MGMT: variants seen among roughly 807,000 people sequenced by gnomAD.
The protein encoded by MGMT is methylated-DNA--protein-cysteine methyltransferase.
Under a neutral mutation model 15.9 loss-of-function variants are expected in MGMT, and 14 were observed. The observed-to-expected ratio is 0.88, with a 90% CI of 0.58 to 1.37. The LOEUF (loss-of-function observed/expected upper bound fraction) is 1.37, where lower values mean the gene tolerates loss of function less well. MGMT is among the 40% of genes most tolerant of loss of function. MGMT has a pLI of 0.00. For missense variants in MGMT, 282 were observed against 268.1 expected (o/e 1.05, Z -0.36); for synonymous variants, 130 against 118.2 (o/e 1.10, Z -0.65).
At chr10:129,729,114 C>T (rs1256393148) in intron 3 of MGMT, among the ~76,000 whole-genome samples, 2 of 152,018 alleles carry the variant, frequency 1.3e-5, no homozygotes, top group Non-Finnish European at 2.9e-5. Flanking sequence ...GCCAGGGACC[C>T]CAAGGAGTTG....
intron 3 of MGMT, among the ~76,000 whole-genome samples, chr10:129,753,192 C>T (rs1318385549): frequency 6.6e-6 from 1 of 152,082 alleles, no homozygotes; most frequent in Admixed American, 6.5e-5. Flanking sequence ...ATGAGAATTC[C>T]ACATTCAAAT....
intron 2 of MGMT, among the ~76,000 whole-genome samples, chr10:129,653,774 A>G (rs924394366): frequency 1.3e-5 from 2 of 152,220 alleles, no homozygotes; most frequent in African/African-American, 2.4e-5. Context: ...TGGGAAGGCT[A>G]TTTCTGCATC....
At chr10:129,570,548 T>C (rs774145789) in intron 2 of MGMT, among the ~76,000 whole-genome samples, 2 of 152,248 alleles carry the variant, frequency 1.3e-5, no homozygotes, top group Non-Finnish European at 2.9e-5. Context: ...ACTGGTGAAG[T>C]TGATGAAGTG....
At chr10:129,638,617 G>A (rs974947404) in intron 2 of MGMT, among the ~76,000 whole-genome samples, 1 of 152,040 alleles carries the variant, frequency 6.6e-6, no homozygotes, top group Non-Finnish European at 1.5e-5. Context: ...GAGAATGGAG[G>A]CATGTTTTCA....
At chr10:129,540,211 A>G (rs1053313923) in intron 2 of MGMT, among the ~76,000 whole-genome samples, 2 of 152,230 alleles carry the variant, frequency 1.3e-5, no homozygotes, top group African/African-American at 4.8e-5. Flanking sequence ...TGTGTTTAAC[A>G]ACTGACTTGT....
chr10:129,526,406 C>T (rs1845870957), intron 1 of MGMT, among the ~76,000 whole-genome samples: 1 of 152,068 alleles, frequency 6.6e-6, no homozygotes, highest in South Asian at 2.1e-4. Context: ...GGTCCTCTTC[C>T]TCCCCCAGGT....
chr10:129,755,864 G>A (rs1040150780), intron 3 of MGMT, among the ~76,000 whole-genome samples: 12 of 152,204 alleles, frequency 7.9e-5, no homozygotes, highest in Admixed American at 2.0e-4. Flanking sequence ...TGAGCACAGC[G>A]GTGGCAGAGC....
chr10:129,634,423 T>C (rs1847243421), intron 2 of MGMT, among the ~76,000 whole-genome samples: 1 of 152,208 alleles, frequency 6.6e-6, no homozygotes, highest in South Asian at 2.1e-4. Flanking sequence ...TCTTCAAATA[T>C]ATTTTTTTCC....
In MGMT at chr10:129,687,107, G is replaced by T. The variant is rs866310773; in HGVS notation, c.126-20788G>T. ...CAAATAGTAGGTTCTCAGCAAGTGT[G>T]CTGAACCAAGGGGTAAGAACAACGT... On this transcript the variant is annotated intron_variant, in intron 2 of 4. Transcript: ENST00000651593. Among the ~76,000 whole-genome samples the T allele has an allele frequency of 8.5e-5, 13 of 152,236 alleles. 1 individual carries two copies. Among genetic ancestry groups the T allele is most frequent in the East Asian group, 5.8e-4 (3 of 5,180 alleles).
chr10:129,653,672 T>C (rs1472557099), intron 2 of MGMT, among the ~76,000 whole-genome samples: 1 of 152,168 alleles, frequency 6.6e-6, no homozygotes, highest in Non-Finnish European at 1.5e-5. Flanking sequence ...CAAGATTACA[T>C]CATGTGATGG....
At chr10:129,753,229 G>A (rs1848769029) in intron 3 of MGMT, among the ~76,000 whole-genome samples, 1 of 152,110 alleles carries the variant, frequency 6.6e-6, no homozygotes, top group African/African-American at 2.4e-5. Context: ...ATAATGCATT[G>A]TTTGTTTCTA....
At chr10:129,529,851 T>A (rs1316455510) in intron 1 of MGMT, among the ~76,000 whole-genome samples, 1 of 152,156 alleles carries the variant, frequency 6.6e-6, no homozygotes, top group Non-Finnish European at 1.5e-5. Context: ...TATTCATAAT[T>A]TGGGGTACTC....
At chr10:129,527,500 CG>C (rs1845883954) in intron 1 of MGMT, among the ~76,000 whole-genome samples, 1 of 151,944 alleles carries the variant, frequency 6.6e-6, no homozygotes, top group Admixed American at 6.6e-5. Context: ...TCAGGGAAGG[CG>C]GGCCGGGAAT....
rs1243566378 is a variant in MGMT at position 129,769,739 on chromosome 10, A to C, written c.*2742A>C. Among the ~76,000 whole-genome samples, 3 of 152,232 alleles carry C rather than the reference A, an allele frequency of 2.0e-5. No individual in the cohort carries two copies. Among genetic ancestry groups the C allele is most frequent in the Non-Finnish European group, 4.4e-5 (3 of 68,046 alleles). On this transcript the variant is annotated 3_prime_UTR_variant, in exon 5 of 5. Coordinates refer to ENST00000651593, the MANE Select transcript of MGMT (RefSeq NM_002412.5). ...CCCGCTGGGAACAGAAGTGTCCAGT[A>C]AACCCACCTGCATTCCACGTGTCCT...
intron 3 of MGMT, among the ~76,000 whole-genome samples, chr10:129,724,268 G>A (rs1848407683): frequency 6.6e-6 from 1 of 152,172 alleles, no homozygotes; most frequent in African/African-American, 2.4e-5. Context: ...ACGTCATGCT[G>A]AGCTTAAGGA....
chr10:129,713,007 C>G (rs1267288077), intron 3 of MGMT, among the ~76,000 whole-genome samples: 1 of 152,206 alleles, frequency 6.6e-6, no homozygotes, highest in Admixed American at 6.5e-5. Flanking sequence ...TACAGAGACA[C>G]TGCAGCCAAG....
chr10:129,611,128 T>C (rs506274), intron 2 of MGMT, among the ~76,000 whole-genome samples: 2 of 152,020 alleles, frequency 1.3e-5, no homozygotes, highest in Non-Finnish European at 2.9e-5. Context: ...TAGACTCAGA[T>C]GCAGAATTGT....
At chr10:129,743,884 T>G (rs1230001964) in intron 3 of MGMT, among the ~76,000 whole-genome samples, 2 of 152,232 alleles carry the variant, frequency 1.3e-5, no homozygotes, top group Non-Finnish European at 2.9e-5. Flanking sequence ...CAGTTGGGCT[T>G]GACTCTGGAG....
chr10:129,747,447 G>A (rs773171594), intron 3 of MGMT, among the ~76,000 whole-genome samples: 16 of 152,264 alleles, frequency 1.1e-4, no homozygotes, highest in Middle Eastern at 3.4e-3. Flanking sequence ...TATAGATTAT[G>A]TGTTTTTCTA....
Sources: allele counts gnomAD v4.1 joint callset (sites outside exome capture counted in the v4.1 genomes callset), GRCh38; gene constraint gnomAD v4.1.1; transcripts MANE v1.5; gene names NCBI Gene and HGNC (gene_info 2026-07-23, HGNC 2026-07-21).